Variants in BRD10 observed in about 807,000 individuals in gnomAD.
BRD10 encodes bromodomain containing 10.
chr9:5,947,865 A>G, the BRD10 span, among the ~76,000 whole-genome samples: 5 of 152,186 alleles, frequency 3.3e-5, no homozygotes, highest in Admixed American at 6.5e-5. Context: ...TTAAAAAAGC[A>G]AAACACCTTA....
At chr9:5,879,058 G>C in the BRD10 span, among the ~76,000 whole-genome samples, 7 of 152,256 alleles carry the variant, frequency 4.6e-5, no homozygotes, top group Admixed American at 1.3e-4. Flanking sequence ...TGACTTCCAG[G>C]GTTGTTCTGA....
the BRD10 span, among the ~76,000 whole-genome samples, chr9:5,897,863 G>A: frequency 1.3e-5 from 2 of 152,290 alleles, no homozygotes; most frequent in East Asian, 1.9e-4. Flanking sequence ...CTTGCCCTGT[G>A]TCTTAGTCTG....
chr9:5,966,180 G>C, the BRD10 span, among the ~76,000 whole-genome samples: 3 of 152,130 alleles, frequency 2.0e-5, no homozygotes, highest in African/African-American at 7.2e-5. Flanking sequence ...CTAAGGCTTA[G>C]AGTACTTGCT....
chr9:5,883,278 G>A, the BRD10 span, among the ~76,000 whole-genome samples: 1 of 151,962 alleles, frequency 6.6e-6, no homozygotes, highest in African/African-American at 2.4e-5. Flanking sequence ...TTTTGTTTTG[G>A]AGAACCTCTC....
chr9:5,918,558 A>G, the BRD10 span, among the ~76,000 whole-genome samples: 3 of 152,174 alleles, frequency 2.0e-5, no homozygotes, highest in Non-Finnish European at 4.4e-5. Flanking sequence ...ACAAAAAATT[A>G]AAAAATTAGG....
At chr9:5,883,065 G>A in the BRD10 span, among the ~76,000 whole-genome samples, 3 of 151,994 alleles carry the variant, frequency 2.0e-5, no homozygotes, top group African/African-American at 7.3e-5. Context: ...TGTAAATGAC[G>A]AGTTAATGGG....
chr9:5,945,116 T>C, the BRD10 span, among the ~76,000 whole-genome samples: 1 of 152,160 alleles, frequency 6.6e-6, no homozygotes, highest in Non-Finnish European at 1.5e-5. Flanking sequence ...TTTTAAAATA[T>C]ATTTACTTGC....
chr9:5,922,496 G>A, the BRD10 span: 20 of 1,614,000 alleles, frequency 1.2e-5, no homozygotes, highest in Non-Finnish European at 1.7e-5. Context: ...GTTGAAAGCT[G>A]TATTTGGTAG....
the BRD10 span, among the ~76,000 whole-genome samples, chr9:5,947,624 T>C: frequency 6.6e-6 from 1 of 152,048 alleles, no homozygotes; most frequent in African/African-American, 2.4e-5. Flanking sequence ...ACCTAATATA[T>C]ATACCCAATA....
At chr9:5,932,618 T>A in the BRD10 span, among the ~76,000 whole-genome samples, 1 of 152,156 alleles carries the variant, frequency 6.6e-6, no homozygotes, top group Non-Finnish European at 1.5e-5. Flanking sequence ...CCATTTTATA[T>A]AAGGCACTCG....
the BRD10 span, chr9:5,920,027 G>C: frequency 1.2e-6 from 2 of 1,613,974 alleles, no homozygotes; most frequent in South Asian, 2.2e-5. Context: ...AGGAACCTTA[G>C]CAGTTGTGTT....
the BRD10 span, among the ~76,000 whole-genome samples, chr9:5,938,994 T>G: frequency 6.6e-6 from 1 of 152,126 alleles, no homozygotes; most frequent in Non-Finnish European, 1.5e-5. Context: ...TCTAAACAGC[T>G]GGCTATAAAA....
At chr9:5,921,509 A>T in the BRD10 span, 1 of 1,613,864 alleles carries the variant, frequency 6.2e-7, no homozygotes, top group Admixed American at 1.7e-5. Flanking sequence ...TGTAGATGTC[A>T]GCGCAGGTGT....
the BRD10 span, among the ~76,000 whole-genome samples, chr9:5,915,239 C>T: frequency 6.6e-6 from 1 of 152,034 alleles, no homozygotes; most frequent in Admixed American, 6.6e-5. Flanking sequence ...TGCCAAATAT[C>T]AGGTCTTCAC....
At chr9:5,923,839 C>T in the BRD10 span, among the ~76,000 whole-genome samples, 1 of 152,162 alleles carries the variant, frequency 6.6e-6, no homozygotes, top group African/African-American at 2.4e-5. Flanking sequence ...TAAGACATTA[C>T]TCTTAATTTG....
the BRD10 span, among the ~76,000 whole-genome samples, chr9:5,986,979 T>C: frequency 1.3e-5 from 2 of 152,336 alleles, no homozygotes; most frequent in Admixed American, 1.3e-4. Flanking sequence ...AATCAAAAAA[T>C]GGTATACTGC....
At chr9:5,887,917 C>T in the BRD10 span, among the ~76,000 whole-genome samples, 3 of 152,284 alleles carry the variant, frequency 2.0e-5, no homozygotes, top group African/African-American at 7.2e-5. Context: ...CCTGGCTTGC[C>T]TAATAAAGAT....
chr9:5,921,819 G>T, the BRD10 span: 1 of 1,613,976 alleles, frequency 6.2e-7, no homozygotes, highest in Non-Finnish European at 8.5e-7. Context: ...GGAGAAGAGG[G>T]CATGTGTGAA....
At chr9:5,908,004 T>G in the BRD10 span, among the ~76,000 whole-genome samples, 1 of 152,152 alleles carries the variant, frequency 6.6e-6, no homozygotes, top group Admixed American at 6.5e-5. Context: ...ACCATATTTC[T>G]ATTGGACAGC....
Sources: gnomAD v4.1 joint callset for allele counts (sites outside exome capture counted in the v4.1 genomes callset) on GRCh38, gnomAD v4.1.1 for gene constraint, MANE v1.5 for transcripts, NCBI Gene and HGNC (gene_info 2026-07-23, HGNC 2026-07-21) for gene names.